UBE2K: variants seen among roughly 807,000 people sequenced by gnomAD.
UBE2K encodes the protein ubiquitin conjugating enzyme E2 K.
A neutral mutation model predicts 30.0 loss-of-function variants in UBE2K; 6 were observed. The ratio of observed to expected loss-of-function variants is 0.20; its 90% CI spans 0.11 to 0.39. The LOEUF is 0.39. UBE2K is among the 10% of genes least tolerant of loss of function. UBE2K has a pLI of 1.00. For synonymous variants in UBE2K, 86 were observed against 83.7 expected (o/e 1.03, Z -0.15); for missense variants, 61 against 241.6 (o/e 0.25, Z 4.96).
chr4:39,705,040 T>G (rs1437802943), intron 1 of UBE2K, among the ~76,000 whole-genome samples: 1 of 146,840 alleles, frequency 6.8e-6, no homozygotes, highest in Non-Finnish European at 1.5e-5. Context: ...ATGGCTAATG[T>G]TTTTTTTTGT....
intron 1 of UBE2K, among the ~76,000 whole-genome samples, 191 bp downstream of exon 1, chr4:39,698,581 C>G (rs1382146222): frequency 6.6e-6 from 1 of 152,030 alleles, no homozygotes; most frequent in African/African-American, 2.4e-5. Flanking sequence ...CTAGGATGGA[C>G]GGTCTCGCGG....
intron 2 of UBE2K, among the ~76,000 whole-genome samples, chr4:39,743,349 A>G (rs1720806311): frequency 6.6e-6 from 1 of 152,196 alleles, no homozygotes; most frequent in South Asian, 2.1e-4. Context: ...CATGCCTGTA[A>G]TCCCAGCTCT....
chr4:39,726,460 A>G (rs1048677448), intron 1 of UBE2K, among the ~76,000 whole-genome samples: 3 of 150,598 alleles, frequency 2.0e-5, no homozygotes, highest in African/African-American at 4.9e-5. Flanking sequence ...GGCTTAAACA[A>G]TCCTCCTGCC....
intron 4 of UBE2K, chr4:39,770,817 C>G (rs1314026745): frequency 6.5e-7 from 1 of 1,549,960 alleles, no homozygotes; most frequent in Non-Finnish European, 8.7e-7. Context: ...CTTGACGATG[C>G]AGATGTCAGA....
chr4:39,709,431 C>T (rs1718553508), intron 1 of UBE2K, among the ~76,000 whole-genome samples: 2 of 152,008 alleles, frequency 1.3e-5, no homozygotes, highest in African/African-American at 4.8e-5. Context: ...TGATTTTCTG[C>T]AGTTTCAGTT....
intron 4 of UBE2K, chr4:39,770,983 GAC>G: frequency 1.2e-6 from 2 of 1,604,474 alleles, no homozygotes; most frequent in Admixed American, 3.3e-5. Context: ...AGGGAGGAGG[GAC>G]TTGTTGGCGC....
At chr4:39,698,837 T>G (rs1236143026) in intron 1 of UBE2K, among the ~76,000 whole-genome samples, 1 of 152,148 alleles carries the variant, frequency 6.6e-6, no homozygotes, top group Non-Finnish European at 1.5e-5. Flanking sequence ...TATTCGGGGT[T>G]ATTGCCTGTC....
intron 2 of UBE2K, among the ~76,000 whole-genome samples, chr4:39,739,752 T>C (rs993127838): frequency 3.9e-5 from 6 of 152,042 alleles, no homozygotes; most frequent in Non-Finnish European, 8.8e-5. Flanking sequence ...ACCCAGCCCA[T>C]TTTTTTCTTT....
At chr4:39,770,076 C>T (rs1244940216) in intron 4 of UBE2K, 3 of 1,538,420 alleles carry the variant, frequency 2.0e-6, no homozygotes, top group Middle Eastern at 2.4e-4. Context: ...TCCACGCCTG[C>T]GCGGCTAGCG....
intron 1 of UBE2K, 105 bp from the exon 2 acceptor site, chr4:39,737,315 A>C (rs1168944117): frequency 2.5e-5 from 14 of 560,084 alleles, no homozygotes; most frequent in Non-Finnish European, 4.3e-5. Flanking sequence ...ACTAGAGCAG[A>C]TAATCAAGCT....
At chr4:39,770,966 T>A in intron 4 of UBE2K, 1 of 1,595,952 alleles carries the variant, frequency 6.3e-7, no homozygotes, top group Non-Finnish European at 8.5e-7. Flanking sequence ...TTTGGGGTCC[T>A]GGCTGGAGGG....
In UBE2K at chr4:39,705,254, G is replaced by C. The variant is rs143227453; in HGVS notation, c.63+6864G>C. 5.6e-3 allele frequency among the ~76,000 whole-genome samples: 793 copies of C among 141,754 alleles called. 5 individuals are homozygous for C. Among genetic ancestry groups the C allele is most frequent in the African/African-American group, 0.02 (750 of 37,882 alleles). The allele number at this position is 141,754 out of a possible 152,430, so 93.0% of individuals were successfully genotyped here. A position where few individuals can be genotyped will look rare whatever the true frequency, so the allele number is the denominator to read the frequency against. On this transcript the variant is annotated intron_variant, in intron 1 of 6. Coordinates refer to ENST00000261427, the MANE Select transcript of UBE2K (RefSeq NM_005339.5). ...GCTCTGTTGTCCAGGCTGGAGTATG[G>C]TGGCACGATCTCAACTCACCACAGC...
At chr4:39,760,696 G>T (rs1711874742) in intron 4 of UBE2K, among the ~76,000 whole-genome samples, 1 of 152,086 alleles carries the variant, frequency 6.6e-6, no homozygotes, top group Admixed American at 6.6e-5. Flanking sequence ...AGGAGATTGA[G>T]ACCATCCTGG....
At chr4:39,738,362 G>A (rs1034469732) in intron 2 of UBE2K, among the ~76,000 whole-genome samples, 13 of 152,306 alleles carry the variant, frequency 8.5e-5, no homozygotes, top group Admixed American at 7.8e-4. Context: ...GTTAAGAGAA[G>A]TAACTTGTTT....
intron 1 of UBE2K, among the ~76,000 whole-genome samples, chr4:39,722,351 AT>A (rs1481767293): frequency 6.6e-6 from 1 of 152,206 alleles, no homozygotes; most frequent in Non-Finnish European, 1.5e-5. Flanking sequence ...TGTATACTTC[AT>A]ATTGAATCAT....
intron 2 of UBE2K, 104 bp from the exon 3 acceptor site, chr4:39,745,648 T>C (rs1015950682): frequency 5.5e-6 from 4 of 721,972 alleles, no homozygotes. Flanking sequence ...AATGAATTTT[T>C]ATAATTGAAT....
intron 1 of UBE2K, among the ~76,000 whole-genome samples, chr4:39,722,404 T>A (rs369247246): frequency 5.1e-4 from 77 of 152,342 alleles, no homozygotes; most frequent in African/African-American, 1.7e-3. Flanking sequence ...CTGTTATTGA[T>A]GCTTGGTCAC....
At chr4:39,767,079 G>A (rs564398037) in intron 4 of UBE2K, among the ~76,000 whole-genome samples, 45 of 152,154 alleles carry the variant, frequency 3.0e-4, no homozygotes, top group African/African-American at 5.1e-4. Context: ...TAAAATTGTC[G>A]TGCATATTCT....
At chr4:39,774,332 A>G (rs1713146907) in intron 4 of UBE2K, among the ~76,000 whole-genome samples, 1 of 151,708 alleles carries the variant, frequency 6.6e-6, no homozygotes, top group Non-Finnish European at 1.5e-5. Context: ...GGCCGGGCGC[A>G]GGTGGTTTTT....
Sources: allele counts gnomAD v4.1 joint callset (sites outside exome capture counted in the v4.1 genomes callset), GRCh38; gene constraint gnomAD v4.1.1; transcripts MANE v1.5; gene names NCBI Gene and HGNC (gene_info 2026-07-23, HGNC 2026-07-21).